Variants in SYT16 observed in about 807,000 individuals in gnomAD.
SYT16 encodes synaptotagmin 16.
In SYT16, 42 loss-of-function variants were observed where a neutral mutation model predicts 61.4. That is an observed-to-expected ratio of 0.68 (90% CI 0.53 to 0.89). SYT16 has a LOEUF of 0.89. Ranked by LOEUF, SYT16 falls within the 40% of genes least tolerant of loss-of-function variation. The pLI is 0.00. For synonymous variants in SYT16, 314 were observed against 302.3 expected (o/e 1.04, Z -0.40); for missense variants, 804 against 807.3 (o/e 1.00, Z 0.05).
chr14:61,838,718 G>A (rs1310855198), intron 1 of SYT16, among the ~76,000 whole-genome samples: 2 of 152,180 alleles, frequency 1.3e-5, no homozygotes, highest in African/African-American at 4.8e-5. Context: ...ATTAAAAATG[G>A]AGTGTGACTC....
intron 4 of SYT16, among the ~76,000 whole-genome samples, chr14:62,072,211 G>A (rs568643022): frequency 2.0e-5 from 3 of 152,224 alleles, no homozygotes; most frequent in Non-Finnish European, 2.9e-5. Flanking sequence ...CAAGCTAGAT[G>A]TTATTACTCT....
chr14:62,105,216 C>T lies in SYT16; in HGVS notation c.*4509C>T, dbSNP rs941621136. ...ACAAATCCTTGATGGTTTGTGTGTA[C>T]CTCTTGATCGATCACAAACAAGGCC... On this transcript the variant is annotated 3_prime_UTR_variant, in exon 8 of 8. Coordinates refer to ENST00000683842, the MANE Select transcript of SYT16 (RefSeq NM_001367656.1). 2.4e-4 allele frequency: 36 copies of T among 152,226 alleles called. No homozygotes were observed. The highest frequency in any genetic ancestry group is 8.7e-4 in the African/African-American group (36 of 41,540). The allele number at this position is 152,226 out of a possible 1,614,324, so 9.4% of individuals were successfully genotyped here.
Position 61,953,705 on chromosome 14 carries a change from TTTGA to T in SYT16, c.-324-16423_-324-16420del, listed in dbSNP as rs150563046. Among the ~76,000 whole-genome samples, 40 of 152,198 alleles carry T rather than the reference TTTGA, an allele frequency of 2.6e-4. No individual in the cohort carries two copies. The East Asian group carries it at 5.8e-3, about 22-fold the overall frequency. On this transcript the variant is annotated intron_variant, in intron 1 of 7. Transcript: ENST00000683842. ...AGCTGCTGATACCTAATGCTATACC[TTTGA>T]TTGTCACTTCCTTATCCTGGGACTG... is the stretch of plus-strand genomic sequence containing the variant.
At chr14:61,926,282 A>G (rs2049534580) in intron 1 of SYT16, among the ~76,000 whole-genome samples, 5 of 151,966 alleles carry the variant, frequency 3.3e-5, no homozygotes, top group Admixed American at 3.3e-4. Flanking sequence ...TCTGGTTGAA[A>G]CTCATGGGAA....
At chr14:61,875,359 A>G (rs559670250) in intron 1 of SYT16, among the ~76,000 whole-genome samples, 2 of 152,322 alleles carry the variant, frequency 1.3e-5, no homozygotes, top group African/African-American at 4.8e-5. Context: ...ATCTTTGGGA[A>G]TTAGAGAAAT....
At chr14:61,831,153 G>A (rs1273479583) in intron 1 of SYT16, among the ~76,000 whole-genome samples, 1 of 152,192 alleles carries the variant, frequency 6.6e-6, no homozygotes, top group Admixed American at 6.5e-5. Context: ...CAGGGATGCT[G>A]CTGAATATCC....
At chr14:61,881,901 C>A (rs950914503) in intron 1 of SYT16, among the ~76,000 whole-genome samples, 2 of 152,198 alleles carry the variant, frequency 1.3e-5, no homozygotes, top group African/African-American at 4.8e-5. Context: ...ACCTTAACTC[C>A]TTACTTTTTC....
chr14:62,017,305 C>G (rs562807007), intron 3 of SYT16, among the ~76,000 whole-genome samples: 1 of 152,098 alleles, frequency 6.6e-6, no homozygotes, highest in Non-Finnish European at 1.5e-5. Context: ...TAAATGTTAC[C>G]GTGATCTGGG....
intron 1 of SYT16, among the ~76,000 whole-genome samples, chr14:61,848,285 C>A (rs770676347): frequency 3.9e-5 from 6 of 152,230 alleles, no homozygotes; most frequent in Non-Finnish European, 8.8e-5. Flanking sequence ...TAGGACACAT[C>A]CCATGCCCAG....
intron 3 of SYT16, among the ~76,000 whole-genome samples, chr14:62,030,756 G>A (rs2054282288): frequency 6.6e-6 from 1 of 152,158 alleles, no homozygotes; most frequent in South Asian, 2.1e-4. Context: ...TTGAATTCAA[G>A]CATTGATGAA....
chr14:62,109,869 T>C lies in SYT16; in HGVS notation c.*9162T>C, dbSNP rs557080936. The C allele has an allele frequency of 7.9e-5, 12 of 152,326 alleles. No individual in the cohort carries two copies. The highest frequency in any genetic ancestry group is 2.6e-4 in the African/African-American group (11 of 41,584). The allele number at this position is 152,326 out of a possible 1,614,324, so 9.4% of individuals were successfully genotyped here. A position where few individuals can be genotyped will look rare whatever the true frequency, so the allele number is the denominator to read the frequency against. On this transcript the variant is annotated 3_prime_UTR_variant, in exon 8 of 8. Transcript: ENST00000683842. ...GAAGCTTTGTGATTGTGCCCCGTCA[T>C]AGTTAATTGTACAAATCAATTAAAA...
intron 3 of SYT16, among the ~76,000 whole-genome samples, chr14:62,060,391 A>G (rs1161066686): frequency 2.0e-5 from 3 of 152,064 alleles, no homozygotes; most frequent in African/African-American, 4.8e-5. Context: ...ATTGATTTTT[A>G]TATAATGACC....
At chr14:61,891,951 C>T (rs1368608945) in intron 1 of SYT16, among the ~76,000 whole-genome samples, 1 of 152,064 alleles carries the variant, frequency 6.6e-6, no homozygotes, top group African/African-American at 2.4e-5. Flanking sequence ...ATGGCAGGAC[C>T]CTAATTAAAA....
chr14:61,992,316 T>C (rs1198631056), intron 2 of SYT16, among the ~76,000 whole-genome samples: 1 of 152,038 alleles, frequency 6.6e-6, no homozygotes. Context: ...AGTGTGTCAG[T>C]GAGACTGGCA....
intron 3 of SYT16, among the ~76,000 whole-genome samples, chr14:62,022,190 A>G (rs1034290609): frequency 5.3e-5 from 8 of 152,084 alleles, no homozygotes; most frequent in African/African-American, 1.9e-4. Context: ...GTTTTCTGTT[A>G]GCTTCAAAAA....
At chr14:61,931,587 T>C (rs985894541) in intron 1 of SYT16, among the ~76,000 whole-genome samples, 1 of 152,212 alleles carries the variant, frequency 6.6e-6, no homozygotes, top group Non-Finnish European at 1.5e-5. Flanking sequence ...TCTACAGCCC[T>C]TTTAATGGCT....
intron 3 of SYT16, among the ~76,000 whole-genome samples, chr14:62,001,683 C>G (rs1343324929): frequency 6.6e-6 from 1 of 151,812 alleles, no homozygotes; most frequent in African/African-American, 2.4e-5. Context: ...TTTATTCTAC[C>G]CCATTCTCTC....
chr14:61,903,031 C>T (rs1406894631), intron 1 of SYT16, among the ~76,000 whole-genome samples: 1 of 152,188 alleles, frequency 6.6e-6, no homozygotes, highest in Middle Eastern at 3.2e-3. Context: ...CAATATTTGG[C>T]ATTCCTTGAC....
chr14:61,820,469 GTTTTTTTT>G (rs71117856), intron 1 of SYT16, among the ~76,000 whole-genome samples: 2 of 61,082 alleles, frequency 3.3e-5, no homozygotes, highest in African/African-American at 1.4e-4. Context: ...CCTCTTCAGA[GTTTTTTTT>G]TTTTTTTTTT....
Sources: gnomAD v4.1 joint callset for allele counts (sites outside exome capture counted in the v4.1 genomes callset) on GRCh38, gnomAD v4.1.1 for gene constraint, MANE v1.5 for transcripts, NCBI Gene and HGNC (gene_info 2026-07-23, HGNC 2026-07-21) for gene names.